Variants in ABCC5 observed in about 807,000 individuals in gnomAD.
ABCC5 encodes the protein ATP binding cassette subfamily C member 5.
In ABCC5, 61 loss-of-function variants were observed where a neutral mutation model predicts 160.9. That is an observed-to-expected ratio of 0.38 (90% CI 0.31 to 0.47). The LOEUF (loss-of-function observed/expected upper bound fraction) is 0.47. Ranked by LOEUF, ABCC5 falls within the 20% of genes least tolerant of loss-of-function variation. ABCC5 has a pLI of 0.99. For missense variants in ABCC5, 1,308 were observed against 1,813.3 expected (o/e 0.72, Z 5.06); for synonymous variants, 666 against 700.6 (o/e 0.95, Z 0.78).
In ABCC5 at chr3:183,955,678, A is replaced by G. The variant is rs1331204737; in HGVS notation, c.2483-2408T>C. Among the ~76,000 whole-genome samples the G allele has an allele frequency of 1.4e-5, 2 of 145,786 alleles. 1 individual carries two copies. Among genetic ancestry groups the G allele is most frequent in the Non-Finnish European group, 3.0e-5 (2 of 65,632 alleles). Reference sequence around the variant, plus strand: ...ATCGGTTACATGCAGATCTGTGTATATATCACATCGGTTACATGCAGATCC... The same window carrying G: ...ATCGGTTACATGCAGATCTGTGTATGTATCACATCGGTTACATGCAGATCC... On this transcript the variant is annotated intron_variant, in intron 17 of 29. Transcript: ENST00000334444.
intron 8 of ABCC5, 44 bp from the exon 9 acceptor site, chr3:183,978,695 G>T (rs1453125970): frequency 6.3e-7 from 1 of 1,594,694 alleles, no homozygotes; most frequent in South Asian, 1.1e-5. Context: ...GTTAAAAGAA[G>T]CCTAGGGATG....
chr3:184,008,211 T>C (rs4148563), intron 2 of ABCC5, among the ~76,000 whole-genome samples: 90,293 of 152,002 alleles, frequency 0.59, 27,228 homozygotes, highest in East Asian at 0.85. Flanking sequence ...GTGCTGTGCA[T>C]GCATCTTGAA....
chr3:183,945,244 A>G (rs934265326), intron 24 of ABCC5, among the ~76,000 whole-genome samples: 4 of 152,216 alleles, frequency 2.6e-5, no homozygotes, highest in African/African-American at 2.4e-5. Flanking sequence ...AAATTGTTTA[A>G]GAGTGCCAGT....
rs757278282 is a variant in ABCC5, at chr3:184,014,363, A to G, written c.30T>C (p.Tyr10=). Residue 10 remains tyrosine (Y), a synonymous_variant, in exon 2 of 30, where the codon TAT becomes TAC. Transcript: ENST00000334444. ...TTCTATACCCAGGACTGGGGATGAT[A>G]TACTCTTTTCCTATGTCGATATCCT... MKDIDIGKE[Y]IIPSPGYRSV... is the part of the protein sequence containing the mutation. 1.2e-6 allele frequency: 2 copies of G among 1,613,826 alleles called. No individual in the cohort carries two copies. The highest frequency in any genetic ancestry group is 1.7e-6 in the Non-Finnish European group (2 of 1,179,828).
Position 183,978,487 on chromosome 3 carries a change from C to T in ABCC5, c.1296+16G>A. On this transcript the variant is annotated intron_variant, in intron 9 of 29. Transcript: ENST00000334444. ...GGTATTTCTAAAATGTTCCCCATCC[C>T]TGAGGGTTCCCTGACCTGTGCTGCT... 6.2e-7 allele frequency: 1 copy of T among 1,604,676 alleles called. No individual in the cohort carries two copies. Among genetic ancestry groups the T allele is most frequent in the Non-Finnish European group, 8.5e-7 (1 of 1,176,702 alleles).
At chr3:183,976,295 C>T (rs1315538364) in intron 10 of ABCC5, among the ~76,000 whole-genome samples, 7 of 151,864 alleles carry the variant, frequency 4.6e-5, no homozygotes, top group African/African-American at 1.7e-4. Flanking sequence ...CATTCTGTTG[C>T]CCAGGCTGGA....
At position 183,987,408 on chromosome 3, in the gene ABCC5, C is replaced by T. The variant is rs1719316525; in HGVS notation, c.591+362G>A. On this transcript the variant is annotated intron_variant, in intron 5 of 29. Transcript: ENST00000334444. This position sits in a 1 kb window ranked among gnomAD's most constrained non-coding sequence, Gnocchi z 4.2. ...TTGGTATGTTCCCGGTGCTGGCTCA[C>T]CAGCCCGGGCCACACAACGTGCTCT... The T allele has an allele frequency of 1.2e-5, 6 of 509,926 alleles. No individual in the cohort carries two copies. The South Asian group carries it at 1.8e-4, about 16-fold the overall frequency. The allele number at this position is 509,926 out of a possible 1,614,324, so 31.6% of individuals were successfully genotyped here.
chr3:183,981,645 A>C (rs1042043264), intron 8 of ABCC5, 82 bp downstream of exon 8: 1 of 1,489,876 alleles, frequency 6.7e-7, no homozygotes, highest in Admixed American at 2.0e-5. Context: ...TAATGTGCTC[A>C]GAAAGCAAAG....
chr3:183,974,009 G>A (rs1048152491), intron 10 of ABCC5, among the ~76,000 whole-genome samples: 20 of 152,052 alleles, frequency 1.3e-4, no homozygotes, highest in African/African-American at 3.9e-4. Flanking sequence ...GGAGAGTTTC[G>A]GCTTCAGATC....
intron 2 of ABCC5, among the ~76,000 whole-genome samples, chr3:184,001,673 G>A (rs970500341): frequency 1.3e-5 from 2 of 152,174 alleles, no homozygotes; most frequent in African/African-American, 4.8e-5. Flanking sequence ...AATGTCAATC[G>A]TACTAAGGTA....
chr3:183,985,365 C>T (rs771184387), intron 5 of ABCC5: 15 of 1,613,920 alleles, frequency 9.3e-6, no homozygotes, highest in South Asian at 2.2e-5. Flanking sequence ...CAGAATACAG[C>T]CATCCTGAAA....
chr3:184,005,099 C>T (rs1277728353), intron 2 of ABCC5, among the ~76,000 whole-genome samples: 2 of 152,122 alleles, frequency 1.3e-5, no homozygotes, highest in Admixed American at 1.3e-4. Flanking sequence ...GAGCCAAGTG[C>T]TGTATTCTGA....
In ABCC5 at chr3:183,955,431, T is replaced by C. The variant is rs139418281; in HGVS notation, c.2483-2161A>G. Among the ~76,000 whole-genome samples the C allele has an allele frequency of 3.3e-5, 5 of 152,322 alleles. No individual in the cohort carries two copies. The East Asian group carries it at 9.6e-4, about 29-fold the overall frequency. ...GGAGTATAATAAGGCACGTCCAACA[T>C]TGTCTTCCCTTCATGGTCTGAATAG... On this transcript the variant is annotated intron_variant, in intron 17 of 29. Transcript: ENST00000334444.
intron 26 of ABCC5, among the ~76,000 whole-genome samples, chr3:183,931,643 C>A (rs1275471993): frequency 6.6e-6 from 1 of 152,290 alleles, no homozygotes; most frequent in East Asian, 1.9e-4. Flanking sequence ...CCAGGCTTAA[C>A]ATTCAATTCA....
chr3:183,937,898 C>T lies in ABCC5; in HGVS notation c.3854+3G>A. 1 of 1,613,986 alleles carries T rather than the reference C, an allele frequency of 6.2e-7. No individual in the cohort carries two copies. ...CGAGACATGCAGGTGCTCAGGTCCT[C>T]ACCTGACAGTGCCACTGAACAGCAC... is the stretch of plus-strand genomic sequence containing the variant. On this transcript the variant is annotated splice_donor_region_variant and intron_variant, in intron 26 of 29. Transcript: ENST00000334444.
chr3:184,001,975 A>G (rs1720778709), intron 2 of ABCC5, among the ~76,000 whole-genome samples: 2 of 152,168 alleles, frequency 1.3e-5, no homozygotes, highest in Non-Finnish European at 2.9e-5. Context: ...AAAAATATCA[A>G]ACGAGGAAGT....
chr3:183,982,622 G>A lies in ABCC5; in HGVS notation c.828C>T (p.Leu276=). Residue 276 remains leucine, a splice_region_variant and synonymous_variant, in exon 7 of 30, where the codon CTC becomes CTT. Coordinates refer to ENST00000334444, the MANE Select transcript of ABCC5 (RefSeq NM_005688.4). The surrounding 1 kb of genome is among the most constrained non-coding windows in gnomAD (Gnocchi z 5.2). ...KNIKEKSLGE[L]INICSNDGQR... ...GCCCATCGTTGGAGCAAATGTTGAT[G>A]AGCTATAAGATACAAAGAGTAGTGA... 1 of 1,614,138 alleles carries A rather than the reference G, an allele frequency of 6.2e-7. No homozygotes were observed. The highest frequency in any genetic ancestry group is 8.5e-7 in the Non-Finnish European group (1 of 1,180,010).
At chr3:184,007,841 A>C (rs902879203) in intron 2 of ABCC5, among the ~76,000 whole-genome samples, 1 of 152,284 alleles carries the variant, frequency 6.6e-6, no homozygotes, top group Non-Finnish European at 1.5e-5. Context: ...ACAAAAAACA[A>C]AAAACAAAAA....
In ABCC5 at chr3:183,951,369, T is replaced by C. The variant is rs1577504120; in HGVS notation, c.2944+72A>G. 3.8e-6 allele frequency: 6 copies of C among 1,571,886 alleles called. No homozygotes were observed. The highest frequency in any genetic ancestry group is 1.2e-5 in the South Asian group (1 of 83,450). ...TCTACAGACAGACAGATCTGCACATTTGGAGAATCATCTAGAAGGCTGGAA... is the reference window on the plus strand; with the variant it reads ...TCTACAGACAGACAGATCTGCACATCTGGAGAATCATCTAGAAGGCTGGAA... On this transcript the variant is annotated intron_variant, in intron 20 of 29. Transcript: ENST00000334444. The surrounding 1 kb of genome is among the most constrained non-coding windows in gnomAD (Gnocchi z 4.7).
Sources: allele counts gnomAD v4.1 joint callset (sites outside exome capture counted in the v4.1 genomes callset), GRCh38; gene constraint gnomAD v4.1.1; non-coding constraint Gnocchi (gnomAD v3.1); transcripts MANE v1.5; gene names NCBI Gene and HGNC (gene_info 2026-07-23, HGNC 2026-07-21).